The following FGF14 variants were observed in gnomAD, a reference collection of about 807,000 sequenced individuals.
FGF14 encodes fibroblast growth factor 14.
Under a neutral mutation model 25.5 loss-of-function variants are expected in FGF14, and 5 were observed. The observed-to-expected ratio is 0.20, with a 90% CI of 0.10 to 0.41. The LOEUF (loss-of-function observed/expected upper bound fraction) is 0.41. Ranked by LOEUF, FGF14 falls within the 10% of genes least tolerant of loss-of-function variation. The pLI, the probability that FGF14 is intolerant of heterozygous loss-of-function variation, is 1.00. For synonymous variants in FGF14, 138 were observed against 118.3 expected (o/e 1.17, Z -1.08); for missense variants, 222 against 320.1 (o/e 0.69, Z 2.34).
chr13:102,379,723 G>A (rs2058136061), intron 1 of FGF14, among the ~76,000 whole-genome samples: 1 of 152,032 alleles, frequency 6.6e-6, no homozygotes. Context: ...CTTATCTAAC[G>A]AGTAAACAAG....
At chr13:101,808,824 G>T (rs936842355) in intron 3 of FGF14, among the ~76,000 whole-genome samples, 1 of 152,056 alleles carries the variant, frequency 6.6e-6, no homozygotes, top group African/African-American at 2.4e-5. Flanking sequence ...TGTAAATTAT[G>T]TTACTTTGAA....
rs74121046 is a variant in FGF14 at position 101,836,559 on chromosome 13, T to G, written c.408+32166A>C. On this transcript the variant is annotated intron_variant, in intron 3 of 4. Transcript: ENST00000376143. Reference sequence around the variant, plus strand: ...GTAGAAGAAGAATAATAAGGCTGATTTATAAATTCATCCTCGTATATCTAA... The same window carrying G: ...GTAGAAGAAGAATAATAAGGCTGATGTATAAATTCATCCTCGTATATCTAA... Among the ~76,000 whole-genome samples, 1,053 of 152,156 alleles carry G rather than the reference T, an allele frequency of 6.9e-3. 13 individuals carry two copies. Among genetic ancestry groups the G allele is most frequent in the African/African-American group, 0.024 (995 of 41,542 alleles).
chr13:102,235,593 G>A (rs1329509502), intron 1 of FGF14, among the ~76,000 whole-genome samples: 2 of 152,122 alleles, frequency 1.3e-5, no homozygotes, highest in Non-Finnish European at 1.5e-5. Context: ...CAAATTTATG[G>A]TCAAAAAGGA....
At chr13:101,743,720 G>A (rs2036704801) in intron 3 of FGF14, among the ~76,000 whole-genome samples, 1 of 152,000 alleles carries the variant, frequency 6.6e-6, no homozygotes, top group South Asian at 2.1e-4. Flanking sequence ...TTTTGAAAGA[G>A]AAAATAAATA....
chr13:101,935,302 C>T (rs1038696409), intron 1 of FGF14, among the ~76,000 whole-genome samples: 3 of 152,178 alleles, frequency 2.0e-5, no homozygotes, highest in African/African-American at 7.2e-5. Flanking sequence ...TCCTCACTAA[C>T]CAGGCAATTT....
intron 1 of FGF14, among the ~76,000 whole-genome samples, chr13:102,055,125 C>T (rs576654480): frequency 6.6e-6 from 1 of 152,184 alleles, no homozygotes; most frequent in Non-Finnish European, 1.5e-5. Context: ...AGTTCAATGC[C>T]CCATTTGTAG....
chr13:102,333,595 G>C (rs1289268066), intron 1 of FGF14, among the ~76,000 whole-genome samples: 1 of 152,098 alleles, frequency 6.6e-6, no homozygotes, highest in African/African-American at 2.4e-5. Flanking sequence ...TATTCAGCAT[G>C]GTTCTTGTTT....
intron 1 of FGF14, among the ~76,000 whole-genome samples, chr13:102,136,049 G>T (rs1231771696): frequency 6.6e-6 from 1 of 152,100 alleles, no homozygotes; most frequent in African/African-American, 2.4e-5. Flanking sequence ...TTCCCTAAAA[G>T]AAGTAAGATC....
intron 1 of FGF14, among the ~76,000 whole-genome samples, chr13:101,914,418 A>T (rs1198236849): frequency 1.3e-5 from 2 of 151,956 alleles, no homozygotes; most frequent in Non-Finnish European, 2.9e-5. Context: ...ATTCTCATAC[A>T]ATTTCCTTAT....
intron 1 of FGF14, among the ~76,000 whole-genome samples, chr13:102,060,013 A>C (rs923391570): frequency 4.6e-5 from 7 of 152,184 alleles, no homozygotes; most frequent in Non-Finnish European, 8.8e-5. Flanking sequence ...CTGAAATCCA[A>C]AATGTTCCAA....
rs551861730 is a variant in FGF14, at chr13:101,996,828, A to G, written c.209-121532T>C. Among the ~76,000 whole-genome samples, 29 of 152,340 alleles carry G rather than the reference A, an allele frequency of 1.9e-4. No homozygotes were observed. In the South Asian group the frequency reaches 5.6e-3, roughly 29 times the overall value. On this transcript the variant is annotated intron_variant, in intron 1 of 4. Coordinates refer to the FGF14 transcript ENST00000376131. Reference sequence around the variant, plus strand: ...GTTTACAAAATTACTGCTGCATGGAACAATTTTCTCTACCTTCCAAACATA... The same window carrying G: ...GTTTACAAAATTACTGCTGCATGGAGCAATTTTCTCTACCTTCCAAACATA...
intron 3 of FGF14, among the ~76,000 whole-genome samples, chr13:101,727,271 C>T (rs115984145): frequency 0.022 from 3,328 of 152,152 alleles, 130 homozygotes; most frequent in African/African-American, 0.076. Context: ...CAGGGTGATA[C>T]ATTTTACTTA....
intron 1 of FGF14, among the ~76,000 whole-genome samples, chr13:102,142,530 G>A (rs190666583): frequency 6.6e-6 from 1 of 152,100 alleles, no homozygotes; most frequent in African/African-American, 2.4e-5. Flanking sequence ...TGTTTTCAGG[G>A]TTATTATTAT....
intron 1 of FGF14, among the ~76,000 whole-genome samples, chr13:102,202,473 A>C (rs1216846823): frequency 6.6e-6 from 1 of 152,234 alleles, no homozygotes; most frequent in Non-Finnish European, 1.5e-5. Flanking sequence ...TGGCCAGGGC[A>C]GAAGGAGGAA....
chr13:101,856,752 T>C (rs2044146059), intron 3 of FGF14, among the ~76,000 whole-genome samples: 2 of 152,020 alleles, frequency 1.3e-5, no homozygotes, highest in Admixed American at 1.3e-4. Context: ...AAAGGTAATA[T>C]ATCATCATGT....
chr13:102,226,460 C>T (rs1378553745), intron 1 of FGF14, among the ~76,000 whole-genome samples: 2 of 152,130 alleles, frequency 1.3e-5, no homozygotes, highest in Non-Finnish European at 1.5e-5. Context: ...TTTCAATATT[C>T]TTATTTTCTT....
intron 1 of FGF14, among the ~76,000 whole-genome samples, chr13:102,051,001 C>T (rs374611799): frequency 1.3e-5 from 2 of 152,296 alleles, no homozygotes; most frequent in East Asian, 3.9e-4. Flanking sequence ...TATTAAGTTG[C>T]TTCAGGAAAT....
At chr13:101,851,398 G>A (rs1003794612) in intron 3 of FGF14, among the ~76,000 whole-genome samples, 5 of 151,992 alleles carry the variant, frequency 3.3e-5, no homozygotes, top group African/African-American at 4.8e-5. Flanking sequence ...CCTCGATCTC[G>A]GGCTTCTGAC....
At chr13:102,036,316 C>G (rs1435207217) in intron 1 of FGF14, among the ~76,000 whole-genome samples, 1 of 152,052 alleles carries the variant, frequency 6.6e-6, no homozygotes, top group Non-Finnish European at 1.5e-5. Flanking sequence ...TTATGTACAC[C>G]ACCAACACAG....
Sources: allele counts gnomAD v4.1 joint callset (sites outside exome capture counted in the v4.1 genomes callset), GRCh38; gene constraint gnomAD v4.1.1; transcripts MANE v1.5; gene names NCBI Gene and HGNC (gene_info 2026-07-23, HGNC 2026-07-21).